ACSM5: variants seen among roughly 807,000 people sequenced by gnomAD.
ACSM5 encodes acyl-CoA synthetase medium chain family member 5.
Under a neutral mutation model 71.6 loss-of-function variants are expected in ACSM5, and 56 were observed. The observed-to-expected ratio is 0.78, with a 90% CI of 0.63 to 0.98. The LOEUF (loss-of-function observed/expected upper bound fraction) is 0.98. ACSM5 is among the 50% of genes least tolerant of loss of function. ACSM5 has a pLI of 0.00. For missense variants in ACSM5, 723 were observed against 726.0 expected, an observed-to-expected ratio of 1.00 and a Z score of 0.05; for synonymous variants, 285 against 281.5, an observed-to-expected ratio of 1.01 and a Z score of -0.12.
At chr16:20,426,713 A>G (rs997320784) in intron 6 of ACSM5, among the ~76,000 whole-genome samples, 2 of 152,246 alleles carry the variant, frequency 1.3e-5, no homozygotes, top group Non-Finnish European at 2.9e-5. Context: ...AGTCAAATTC[A>G]TAGAGACAGA....
chr16:20,427,789 C>T lies in ACSM5; in HGVS notation c.923C>T (p.Thr308Ile), dbSNP rs138922279. 1.9e-5 allele frequency: 30 copies of T among 1,611,578 alleles called. No homozygotes were observed. In the Admixed American group the frequency reaches 2.0e-4, roughly 11 times the overall value. ...PRVDAKVILN[T>I]LSKFPITTLC... ...CTTTCACCCTTTGTTTTTGTTTAGA[C>T]TCTCTCCAAATTCCCGATAACCACC... The change falls in exon 7 of 14, where the codon ACT becomes ATT. Residue 308 changes from threonine to isoleucine, a missense_variant and splice_region_variant. By Grantham distance (89) the Thr-to-Ile change is moderately conservative. Coordinates refer to ENST00000331849, the MANE Select transcript of ACSM5 (RefSeq NM_017888.3).
At chr16:20,438,541 C>A (rs1323336185) in intron 12 of ACSM5, among the ~76,000 whole-genome samples, 1 of 148,702 alleles carries the variant, frequency 6.7e-6, no homozygotes, top group Non-Finnish European at 1.5e-5. Flanking sequence ...CTGAAGAAAT[C>A]ATACCTCAAA....
At chr16:20,433,375 G>T (rs553790806) in intron 10 of ACSM5, among the ~76,000 whole-genome samples, 1 of 152,112 alleles carries the variant, frequency 6.6e-6, no homozygotes, top group Non-Finnish European at 1.5e-5. Context: ...GAATATGCCC[G>T]TGTCAACTGT....
chr16:20,435,061 C>T (rs1271906051), intron 10 of ACSM5, among the ~76,000 whole-genome samples: 1 of 152,168 alleles, frequency 6.6e-6, no homozygotes, highest in African/African-American at 2.4e-5. Flanking sequence ...GAGGCAGAGT[C>T]TTGCTCTGTC....
At chr16:20,411,292 C>T (rs1966847147) in intron 1 of ACSM5, among the ~76,000 whole-genome samples, 178 bp from the exon 2 acceptor site, 1 of 152,154 alleles carries the variant, frequency 6.6e-6, no homozygotes, top group South Asian at 2.1e-4. Flanking sequence ...ACCTCGGGGT[C>T]AGAGGAGAGA....
Position 20,431,056 on chromosome 16 carries a change from C to T in ACSM5, c.1189C>T (p.Pro397Ser), listed in dbSNP as rs770848848. 19 of 1,613,680 alleles carry T rather than the reference C, an allele frequency of 1.2e-5. No homozygotes were observed. In the East Asian group the frequency reaches 3.8e-4, roughly 32 times the overall value. Residue 397 changes from proline (P) to serine (S), a missense_variant, in exon 9 of 14, where the codon CCA (proline) becomes TCA (serine). Pro to Ser is a moderately conservative substitution (Grantham distance 74). Coordinates refer to ENST00000331849, the MANE Select transcript of ACSM5 (RefSeq NM_017888.3). Reference sequence around the variant, plus strand: ...GTCTGGATCCATGGGGAAGGCGTCCCCACCCTACGATGTGCAGGTAGCAGC... The same window carrying T: ...GTCTGGATCCATGGGGAAGGCGTCCTCACCCTACGATGTGCAGGTAGCAGC... ...IKSGSMGKASPPYDVQIVDDE... is the reference protein window; with the variant it reads ...IKSGSMGKASSPYDVQIVDDE...
chr16:20,410,288 A>G (rs2141635829), intron 1 of ACSM5, among the ~76,000 whole-genome samples: 1 of 152,264 alleles, frequency 6.6e-6, no homozygotes, highest in East Asian at 1.9e-4. Flanking sequence ...ACTGAAACTG[A>G]GGTCACACGC....
Position 20,440,974 on chromosome 16 carries a change from AAATT to A in ACSM5, c.*550_*553del, listed in dbSNP as rs1366145808. On this transcript the variant is annotated 3_prime_UTR_variant, in exon 14 of 14. Transcript: ENST00000331849. ...ATTAAAACTAAAAAAAAAAAAGAAA[AAATT>A]AACAATTAACATCCAAACAACAAGG... The A allele has an allele frequency of 6.6e-6, 1 of 152,286 alleles. No individual in the cohort carries two copies. Among genetic ancestry groups the A allele is most frequent in the Non-Finnish European group, 1.5e-5 (1 of 68,106 alleles). 9.4% of individuals were successfully genotyped at this position (152,286 alleles called of 1,614,324 possible).
chr16:20,426,437 C>G (rs1224309591), intron 6 of ACSM5, among the ~76,000 whole-genome samples: 1 of 152,144 alleles, frequency 6.6e-6, no homozygotes, highest in African/African-American at 2.4e-5. Flanking sequence ...AGGTTGCAAT[C>G]AAGAGGTCAG....
At chr16:20,424,388 A>G (rs1966936707) in intron 6 of ACSM5, among the ~76,000 whole-genome samples, 1 of 152,128 alleles carries the variant, frequency 6.6e-6, no homozygotes, top group African/African-American at 2.4e-5. Flanking sequence ...AAATCAGTCT[A>G]TGCCTCAACT....
In ACSM5 at chr16:20,427,830, A is replaced by G. The variant is rs148662746; in HGVS notation, c.964A>G (p.Thr322Ala). ...FPITTLCCVP[T>A]IFRLLVQEDL... ...GATAACCACCCTCTGCTGTGTCCCA[A>G]CCATCTTTCGGCTGCTTGTGCAGGA... is the stretch of plus-strand genomic sequence containing the variant. Residue 322 changes from threonine (T) to alanine (A), a missense_variant, in exon 7 of 14, where the codon ACC (threonine) becomes GCC (alanine). Transcript: ENST00000331849. 4.0e-5 allele frequency: 65 copies of G among 1,613,996 alleles called. No homozygotes were observed. In the African/African-American group the frequency reaches 7.2e-4, roughly 18 times the overall value.
intron 2 of ACSM5, among the ~76,000 whole-genome samples, chr16:20,413,438 A>C (rs1309515265): frequency 6.6e-6 from 1 of 152,198 alleles, no homozygotes; most frequent in Non-Finnish European, 1.5e-5. Flanking sequence ...CCTACTTGTA[A>C]AACTGTATTT....
chr16:20,422,592 G>T (rs1446043849), intron 5 of ACSM5, among the ~76,000 whole-genome samples: 2 of 152,174 alleles, frequency 1.3e-5, no homozygotes, highest in African/African-American at 4.8e-5. Context: ...GTAATTCTAT[G>T]TTTAATTTTT....
intron 7 of ACSM5, among the ~76,000 whole-genome samples, chr16:20,429,442 C>T (rs2141655318): frequency 6.6e-6 from 1 of 152,188 alleles, no homozygotes. Context: ...ATGCCAAAAC[C>T]TATTATATGA....
intron 12 of ACSM5, among the ~76,000 whole-genome samples, chr16:20,437,669 A>G (rs1967230576): frequency 6.9e-6 from 1 of 145,814 alleles, no homozygotes; most frequent in Non-Finnish European, 1.5e-5. Context: ...CCTGTCTAAT[A>G]AAAAGTCTTT....
At chr16:20,440,040 C>G in intron 13 of ACSM5, 121 bp downstream of exon 13, 2 of 1,274,632 alleles carry the variant, frequency 1.6e-6, no homozygotes. Context: ...ACTTGTAACC[C>G]TGGCTGCTGC....
At chr16:20,416,372 A>G (rs963747662) in intron 2 of ACSM5, among the ~76,000 whole-genome samples, 4 of 152,150 alleles carry the variant, frequency 2.6e-5, no homozygotes, top group Non-Finnish European at 4.4e-5. Context: ...CACTAGCATA[A>G]GGATAGACTT....
chr16:20,425,592 T>C (rs8060682), intron 6 of ACSM5, among the ~76,000 whole-genome samples: 70,320 of 151,864 alleles, frequency 0.46, 18,320 homozygotes, highest in African/African-American at 0.71. Flanking sequence ...CCCACCATTT[T>C]CCCCAAGTCC....
In ACSM5 at chr16:20,419,324, C is replaced by T; in HGVS notation, c.512C>T (p.Ser171Phe). 1 of 1,614,154 alleles carries T rather than the reference C, an allele frequency of 6.2e-7. No homozygotes were observed. Among genetic ancestry groups the T allele is most frequent in the Non-Finnish European group, 8.5e-7 (1 of 1,180,020 alleles). The change falls in exon 4 of 14, where the codon TCC (serine) becomes TTC (phenylalanine). Residue 171 changes from serine (S) to phenylalanine (F), a missense_variant. Ser to Phe is a radical substitution (Grantham distance 155). Coordinates refer to ENST00000331849, the MANE Select transcript of ACSM5 (RefSeq NM_017888.3). Reference sequence around the variant, plus strand: ...GCCAAGTCCATTATCACCAGTGACTCCCTAGCTCCAAGGGTGGATGCCATC... The same window carrying T: ...GCCAAGTCCATTATCACCAGTGACTTCCTAGCTCCAAGGGTGGATGCCATC... ...SRAKSIITSD[S>F]LAPRVDAISA...
Sources: gnomAD v4.1 joint callset for allele counts (sites outside exome capture counted in the v4.1 genomes callset) on GRCh38, gnomAD v4.1.1 for gene constraint, MANE v1.5 for transcripts, NCBI Gene and HGNC (gene_info 2026-07-23, HGNC 2026-07-21) for gene names.